Variants in SUSD1 observed in about 807,000 individuals in gnomAD.
The protein encoded by SUSD1 is sushi domain-containing protein 1.
SUSD1 carries 65 observed loss-of-function variants against 86.9 expected under a neutral mutation model. That is an observed-to-expected ratio of 0.75 (90% confidence interval 0.61 to 0.92). The LOEUF (loss-of-function observed/expected upper bound fraction) is 0.92, where lower values mean the gene tolerates loss of function less well. SUSD1 is among the 40% of genes least tolerant of loss of function. The probability of loss-of-function intolerance (pLI) is 0.00; values close to 1 mark genes in which losing one functional copy is unlikely to be tolerated. For missense variants in SUSD1, 850 were observed against 929.7 expected, an observed-to-expected ratio of 0.91 and a Z score of 1.11; for synonymous variants, 346 against 350.0, an observed-to-expected ratio of 0.99 and a Z score of 0.13.
chr9:112,100,468 G>C (rs193128481), intron 9 of SUSD1, among the ~76,000 whole-genome samples: 6 of 151,818 alleles, frequency 4.0e-5, no homozygotes, highest in Non-Finnish European at 8.8e-5. Context: ...TTACAGGCGT[G>C]AGCCACCACG....
chr9:112,174,129 T>A (rs1834167662), intron 1 of SUSD1, among the ~76,000 whole-genome samples: 1 of 152,194 alleles, frequency 6.6e-6, no homozygotes, highest in South Asian at 2.1e-4. Flanking sequence ...CTCTGGTGCC[T>A]CCGTGTGCTT....
chr9:112,165,373 T>C (rs982306424), intron 1 of SUSD1, among the ~76,000 whole-genome samples: 1 of 151,530 alleles, frequency 6.6e-6, no homozygotes, highest in Non-Finnish European at 1.5e-5. Context: ...AAACCTGTTG[T>C]GGTGTTGTGC....
intron 1 of SUSD1, among the ~76,000 whole-genome samples, chr9:112,160,524 A>G (rs372838235): frequency 2.0e-4 from 31 of 152,310 alleles, no homozygotes; most frequent in African/African-American, 7.2e-4. Context: ...AGCCTGGGCA[A>G]CAGAGTGAGA....
At chr9:112,156,598 T>TG (rs902178031) in intron 2 of SUSD1, among the ~76,000 whole-genome samples, 2 of 152,170 alleles carry the variant, frequency 1.3e-5, no homozygotes, top group Non-Finnish European at 2.9e-5. Context: ...TTTTTAGATA[T>TG]GGGGGTCTCA....
At chr9:112,156,637 C>T (rs1833339736) in intron 2 of SUSD1, among the ~76,000 whole-genome samples, 1 of 152,080 alleles carries the variant, frequency 6.6e-6, no homozygotes, top group Admixed American at 6.6e-5. Context: ...TCTCAAACTC[C>T]TGGCCTCAAG....
Position 112,063,044 on chromosome 9 carries a change from G to T in SUSD1, c.1754-11C>A, listed in dbSNP as rs1192913845. On this transcript the variant is annotated splice_polypyrimidine_tract_variant and intron_variant, in intron 12 of 16. Transcript: ENST00000374270. ...CCGGGAGGGGAGGCTCTGAAAACAT[G>T]TTGAAAAGAAGAAAAGGGGTATGAT... 6.3e-7 allele frequency: 1 copy of T among 1,577,004 alleles called. No individual in the cohort carries two copies. The highest frequency in any genetic ancestry group is 8.7e-7 in the Non-Finnish European group (1 of 1,146,492).
At position 112,062,745 on chromosome 9, in the gene SUSD1, A is replaced by G. The variant is rs771469995; in HGVS notation, c.1850+192T>C. Among the ~76,000 whole-genome samples the G allele has an allele frequency of 3.3e-5, 5 of 152,172 alleles. No individual in the cohort carries two copies. In the South Asian group the frequency reaches 6.2e-4, roughly 19 times the overall value. The stretch of plus-strand genomic sequence containing the variant: ...ATTTTAAAAAAAAGAAGTCTCTCTC[A>G]CCATTAGAAAGGATGCTGGTTGGGA... On this transcript the variant is annotated intron_variant, in intron 13 of 16. Transcript: ENST00000374270.
chr9:112,063,399 CCAAT>C, intron 12 of SUSD1, among the ~76,000 whole-genome samples: 1 of 152,096 alleles, frequency 6.6e-6, no homozygotes, highest in African/African-American at 2.4e-5. Context: ...GCACAACATG[CCAAT>C]AAACTGTGTG....
chr9:112,122,733 G>A (rs1321363830), intron 6 of SUSD1, among the ~76,000 whole-genome samples: 1 of 152,142 alleles, frequency 6.6e-6, no homozygotes. Flanking sequence ...ACACACCCAA[G>A]TGTCCATCAA....
At chr9:112,047,167 A>G (rs1012976031) in intron 15 of SUSD1, among the ~76,000 whole-genome samples, 2 of 152,198 alleles carry the variant, frequency 1.3e-5, no homozygotes, top group African/African-American at 2.4e-5. Flanking sequence ...TCAAGGCAGA[A>G]GGTGAAGGGG....
Position 112,144,189 on chromosome 9 carries a change from G to A in SUSD1, c.374-566C>T, listed in dbSNP as rs562365976. On this transcript the variant is annotated intron_variant, in intron 3 of 16. Transcript: ENST00000374270. ...TAGGAGGCGGAGCTTGCAGTGAGCC[G>A]AGATCACGCCACTGCACTCAGCCTG... is the stretch of plus-strand genomic sequence containing the variant. Among the ~76,000 whole-genome samples the A allele has an allele frequency of 3.3e-5, 5 of 151,708 alleles. No individual in the cohort carries two copies. The South Asian group carries it at 8.3e-4, about 25-fold the overall frequency.
intron 6 of SUSD1, among the ~76,000 whole-genome samples, chr9:112,116,668 T>C (rs1277761129): frequency 2.6e-5 from 4 of 152,156 alleles, no homozygotes; most frequent in Non-Finnish European, 5.9e-5. Flanking sequence ...GTTGAAGGTA[T>C]GGGTGCAGGT....
chr9:112,056,033 G>T (rs1294318736), intron 14 of SUSD1, among the ~76,000 whole-genome samples: 1 of 152,178 alleles, frequency 6.6e-6, no homozygotes, highest in Non-Finnish European at 1.5e-5. Flanking sequence ...GGTCAAGGTG[G>T]GAGGATCACT....
intron 8 of SUSD1, among the ~76,000 whole-genome samples, chr9:112,105,461 G>C (rs1241185775): frequency 6.6e-6 from 1 of 152,188 alleles, no homozygotes. Context: ...GCTCACGCCT[G>C]TAATCCCAGC....
At chr9:112,158,868 T>A (rs1833450428) in intron 1 of SUSD1, among the ~76,000 whole-genome samples, 2 of 152,200 alleles carry the variant, frequency 1.3e-5, no homozygotes, top group Non-Finnish European at 2.9e-5. Flanking sequence ...GCCCATATGT[T>A]ATGATGGCAC....
At chr9:112,137,554 T>C (rs1589708134) in intron 5 of SUSD1, among the ~76,000 whole-genome samples, 2 of 152,214 alleles carry the variant, frequency 1.3e-5, no homozygotes. Flanking sequence ...AGTTGATCCA[T>C]TGAAAGATCA....
At chr9:112,169,124 T>A (rs1028121886) in intron 1 of SUSD1, among the ~76,000 whole-genome samples, 1 of 151,338 alleles carries the variant, frequency 6.6e-6, no homozygotes, top group Non-Finnish European at 1.5e-5. Context: ...AAAAAAAAAA[T>A]CCAGAAATGA....
At chr9:112,053,652 CAT>C (rs1302905472) in intron 14 of SUSD1, among the ~76,000 whole-genome samples, 2 of 151,176 alleles carry the variant, frequency 1.3e-5, no homozygotes, top group East Asian at 3.9e-4. Context: ...CAGTAAAGAA[CAT>C]ATTTCAAGAC....
chr9:112,140,384 T>C (rs953694649), intron 5 of SUSD1, among the ~76,000 whole-genome samples: 2 of 146,890 alleles, frequency 1.4e-5, no homozygotes, highest in African/African-American at 5.0e-5. Flanking sequence ...AAAAAAAAAA[T>C]ACAAAAATTG....
Sources: allele counts gnomAD v4.1 joint callset (sites outside exome capture counted in the v4.1 genomes callset), GRCh38; gene constraint gnomAD v4.1.1; transcripts MANE v1.5; gene names NCBI Gene and HGNC (gene_info 2026-07-23, HGNC 2026-07-21).